GRIK2: variants seen among roughly 807,000 people sequenced by gnomAD.
GRIK2 encodes the protein glutamate receptor ionotropic, kainate 2.
A neutral mutation model predicts 100.3 loss-of-function variants in GRIK2; 32 were observed. That is an observed-to-expected ratio of 0.32 (90% CI 0.24 to 0.43). The LOEUF is 0.43. Among genes scored for constraint, GRIK2 ranks in the 20% least tolerant of loss-of-function variants. GRIK2 has a pLI of 1.00. For synonymous variants in GRIK2, 417 were observed against 389.4 expected (o/e 1.07, Z -0.83); for missense variants, 843 against 1,114.9 (o/e 0.76, Z 3.47).
intron 2 of GRIK2, among the ~76,000 whole-genome samples, chr6:101,510,517 T>A (rs56040922): frequency 1.5e-5 from 1 of 67,222 alleles, no homozygotes; most frequent in South Asian, 5.4e-4. Flanking sequence ...GGAGTTTTTT[T>A]TTTTTTTTTT....
intron 14 of GRIK2, among the ~76,000 whole-genome samples, chr6:102,002,350 T>G (rs1794988058): frequency 6.9e-6 from 1 of 145,534 alleles, no homozygotes; most frequent in Non-Finnish European, 1.5e-5. Context: ...GTAGTATATG[T>G]GCATGTATAT....
In GRIK2 at chr6:101,509,001, CA is replaced by C. The variant is rs565095508; in HGVS notation, c.115+109616del. On this transcript the variant is annotated intron_variant, in intron 2 of 16. Coordinates refer to ENST00000369134, the MANE Select transcript of GRIK2 (RefSeq NM_021956.5). The stretch of plus-strand genomic sequence containing the variant: ...AAACCCCGTCTCTACTAAGAAAATA[CA>C]AAAAAATAAGCTGGGCATGGGGGCG... 1.3e-4 allele frequency among the ~76,000 whole-genome samples: 19 copies of C among 151,616 alleles called. 1 individual carries two copies. The highest frequency in any genetic ancestry group is 4.1e-4 in the African/African-American group (17 of 41,350).
intron 7 of GRIK2, among the ~76,000 whole-genome samples, chr6:101,795,164 G>T (rs970954647): frequency 6.6e-6 from 1 of 152,088 alleles, no homozygotes; most frequent in African/African-American, 2.4e-5. Flanking sequence ...ACCATACCCG[G>T]CCAGCTTTTT....
At chr6:101,574,595 T>G (rs1039375879) in intron 2 of GRIK2, among the ~76,000 whole-genome samples, 6 of 151,492 alleles carry the variant, frequency 4.0e-5, no homozygotes, top group Non-Finnish European at 3.0e-5. Context: ...AAGTTATTAA[T>G]AATTCTCATC....
chr6:101,906,023 A>G (rs565266175), intron 12 of GRIK2, among the ~76,000 whole-genome samples: 1 of 151,820 alleles, frequency 6.6e-6, no homozygotes, highest in South Asian at 2.1e-4. Context: ...GATTTTCTTA[A>G]CTCAAATATT....
intron 4 of GRIK2, among the ~76,000 whole-genome samples, chr6:101,662,474 A>G (rs969388149): frequency 6.6e-6 from 1 of 152,138 alleles, no homozygotes; most frequent in African/African-American, 2.4e-5. Context: ...ACTGATTGCA[A>G]CTATGAAACT....
chr6:102,066,849 G>A (rs761371757), intron 16 of GRIK2, among the ~76,000 whole-genome samples: 10 of 151,750 alleles, frequency 6.6e-5, no homozygotes, highest in Non-Finnish European at 1.0e-4. Context: ...GAAGAGTGGC[G>A]TAGACGTAGA....
At chr6:101,815,606 T>G (rs1781585250) in intron 9 of GRIK2, among the ~76,000 whole-genome samples, 1 of 145,824 alleles carries the variant, frequency 6.9e-6, no homozygotes, top group Non-Finnish European at 1.5e-5. Flanking sequence ...AGCATCTTAA[T>G]TGCGTTTCAG....
chr6:101,416,148 G>A (rs993035837), intron 2 of GRIK2, among the ~76,000 whole-genome samples: 1 of 152,196 alleles, frequency 6.6e-6, no homozygotes, highest in African/African-American at 2.4e-5. Flanking sequence ...AGTGTTTTAG[G>A]CCAGTGAGGT....
chr6:101,769,084 G>A (rs1310459219), intron 7 of GRIK2, among the ~76,000 whole-genome samples: 1 of 151,840 alleles, frequency 6.6e-6, no homozygotes, highest in Non-Finnish European at 1.5e-5. Context: ...TTTAACTTTT[G>A]GTTAAGGGTA....
At chr6:101,824,144 C>T (rs569750506) in intron 10 of GRIK2, among the ~76,000 whole-genome samples, 35 of 152,092 alleles carry the variant, frequency 2.3e-4, no homozygotes, top group Non-Finnish European at 4.4e-4. Context: ...CTCGGCCTCC[C>T]GAAGTGCTGG....
At chr6:101,549,387 T>C (rs1229232117) in intron 2 of GRIK2, among the ~76,000 whole-genome samples, 1 of 152,002 alleles carries the variant, frequency 6.6e-6, no homozygotes, top group East Asian at 1.9e-4. Context: ...TGAATGGATT[T>C]TGCAGGTGGT....
intron 2 of GRIK2, among the ~76,000 whole-genome samples, chr6:101,621,608 TAAGTC>T (rs1423253983): frequency 6.6e-6 from 1 of 152,114 alleles, no homozygotes; most frequent in Non-Finnish European, 1.5e-5. Context: ...TTTCAGTACT[TAAGTC>T]AAGACCTCTC....
intron 7 of GRIK2, 51 bp downstream of exon 7, chr6:101,686,404 A>T: frequency 7.2e-7 from 1 of 1,382,530 alleles, no homozygotes; most frequent in Non-Finnish European, 1.0e-6. Flanking sequence ...ATAGTATTGC[A>T]TACATATGAA....
At chr6:101,578,985 T>C (rs917918170) in intron 2 of GRIK2, among the ~76,000 whole-genome samples, 8 of 152,212 alleles carry the variant, frequency 5.3e-5, no homozygotes, top group Admixed American at 5.2e-4. Context: ...TTTAGATGTG[T>C]TTCATTTTCC....
chr6:101,603,936 T>A (rs192046991), intron 2 of GRIK2, among the ~76,000 whole-genome samples: 1 of 151,686 alleles, frequency 6.6e-6, no homozygotes, highest in East Asian at 1.9e-4. Context: ...GGTTTACAAC[T>A]GCAGTTTCTA....
intron 9 of GRIK2, among the ~76,000 whole-genome samples, chr6:101,808,978 T>C (rs1216208567): frequency 6.6e-6 from 1 of 151,336 alleles, no homozygotes; most frequent in Non-Finnish European, 1.5e-5. Flanking sequence ...CTATAGTTAA[T>C]AATATAAATA....
intron 10 of GRIK2, among the ~76,000 whole-genome samples, chr6:101,823,814 A>G (rs1482913309): frequency 6.9e-6 from 1 of 145,754 alleles, no homozygotes; most frequent in African/African-American, 2.5e-5. Context: ...GTTTATTTCT[A>G]TGGGTTTTCG....
At chr6:101,888,301 C>T (rs140961659) in intron 11 of GRIK2, among the ~76,000 whole-genome samples, 13 of 152,146 alleles carry the variant, frequency 8.5e-5, no homozygotes, top group East Asian at 3.9e-4. Flanking sequence ...TTTCTAACTT[C>T]GCAAGGTTTC....
Sources: allele counts gnomAD v4.1 joint callset (sites outside exome capture counted in the v4.1 genomes callset), GRCh38; gene constraint gnomAD v4.1.1; transcripts MANE v1.5; gene names NCBI Gene and HGNC (gene_info 2026-07-23, HGNC 2026-07-21).